TNFSF15: variants seen among roughly 807,000 people sequenced by gnomAD.
TNFSF15 encodes the protein tumor necrosis factor ligand superfamily member 15.
Under a neutral mutation model 26.4 loss-of-function variants are expected in TNFSF15, and 15 were observed. The observed-to-expected ratio is 0.57, with a 90% CI of 0.38 to 0.87. The LOEUF (loss-of-function observed/expected upper bound fraction) is 0.87, where lower values mean the gene tolerates loss of function less well. Ranked by LOEUF, TNFSF15 falls within the 40% of genes least tolerant of loss-of-function variation. TNFSF15 has a pLI of 0.00. For missense variants in TNFSF15, 290 were observed against 306.1 expected (o/e 0.95, Z 0.39); for synonymous variants, 116 against 115.0 (o/e 1.01, Z -0.06).
At chr9:114,793,073 A>G (rs1829627644) in intron 2 of TNFSF15, among the ~76,000 whole-genome samples, 1 of 152,222 alleles carries the variant, frequency 6.6e-6, no homozygotes, top group African/African-American at 2.4e-5. Context: ...GGCATGGTCT[A>G]ATTACAGTTA....
At chr9:114,802,305 T>G (rs1331272264) in intron 1 of TNFSF15, among the ~76,000 whole-genome samples, 7 of 152,174 alleles carry the variant, frequency 4.6e-5, no homozygotes, top group African/African-American at 1.7e-4. Flanking sequence ...CAGGCTGGAG[T>G]GAGCTGGCGT....
At chr9:114,793,973 A>G (rs1471428730) in intron 1 of TNFSF15, among the ~76,000 whole-genome samples, 1 of 152,236 alleles carries the variant, frequency 6.6e-6, no homozygotes, top group Non-Finnish European at 1.5e-5. Flanking sequence ...CAGAAGAGAA[A>G]ATAATGGCTA....
At chr9:114,801,023 G>C (rs1829740960) in intron 1 of TNFSF15, among the ~76,000 whole-genome samples, 1 of 152,228 alleles carries the variant, frequency 6.6e-6, no homozygotes, top group African/African-American at 2.4e-5. Context: ...CAAGGAGAAT[G>C]TGGGGAGAGT....
rs12686846 is a variant in TNFSF15 at position 114,788,393 on chromosome 9, G to A, written c.*2059C>T. The A allele has an allele frequency of 7.8e-5, 12 of 153,872 alleles. No individual in the cohort carries two copies. In the East Asian group the frequency reaches 2.1e-3, roughly 27 times the overall value. The allele number at this position is 153,872 out of a possible 1,614,324, so 9.5% of individuals were successfully genotyped here. On this transcript the variant is annotated 3_prime_UTR_variant, in exon 4 of 4. Coordinates refer to ENST00000374045, the MANE Select transcript of TNFSF15 (RefSeq NM_005118.4). ...TCTGTGCTGACTGTTTTGAGAAAGG[G>A]AAGGCAAGAAAAAGGCCTGGCTTAA...
intron 3 of TNFSF15, 142 bp from the exon 4 acceptor site, chr9:114,791,048 G>A (rs1829590552): frequency 1.4e-6 from 1 of 736,308 alleles, no homozygotes; most frequent in South Asian, 1.8e-5. Context: ...AGGAATGAAT[G>A]AAGAATATGT....
At chr9:114,797,021 G>A (rs1017664602) in intron 1 of TNFSF15, among the ~76,000 whole-genome samples, 1 of 152,210 alleles carries the variant, frequency 6.6e-6, no homozygotes, top group African/African-American at 2.4e-5. Flanking sequence ...AAAACTGAAG[G>A]TGGAGTTCTC....
At chr9:114,797,922 T>G (rs1829691490) in intron 1 of TNFSF15, among the ~76,000 whole-genome samples, 1 of 152,326 alleles carries the variant, frequency 6.6e-6, no homozygotes, top group East Asian at 1.9e-4. Context: ...CCTCAGTCAG[T>G]GCCTGGCACT....
intron 1 of TNFSF15, among the ~76,000 whole-genome samples, chr9:114,793,931 T>G (rs1829643682): frequency 6.6e-6 from 1 of 152,232 alleles, no homozygotes; most frequent in Non-Finnish European, 1.5e-5. Context: ...TCTACCATAA[T>G]TTAAAAATTG....
chr9:114,790,885 T>G lies in TNFSF15; in HGVS notation c.323A>C (p.Gln108Pro), dbSNP rs753019245. The change falls in exon 4 of 4, where the codon CAG becomes CCG. Residue 108 changes from glutamine (Q) to proline (P), a missense_variant. Transcript: ENST00000374045. Reference protein sequence around the residue: ...HLTVVRQTPTQHFKNQFPALH... With the variant: ...HLTVVRQTPTPHFKNQFPALH... ...AGCTGGGAACTGATTTTTAAAGTGC[T>G]GTGTGGGAGTTTGTCTCACAACTGG... 3.1e-6 allele frequency: 5 copies of G among 1,614,160 alleles called. No homozygotes were observed. The highest frequency in any genetic ancestry group is 4.2e-6 in the Non-Finnish European group (5 of 1,180,018).
In TNFSF15 at chr9:114,806,011, ATGCTCCTGC is replaced by A; in HGVS notation, c.-8_1del. 6.2e-7 allele frequency: 1 copy of A among 1,613,520 alleles called. No homozygotes were observed. The highest frequency in any genetic ancestry group is 8.5e-7 in the Non-Finnish European group (1 of 1,179,774). On this transcript the variant is annotated start_lost and start_retained_variant and 5_prime_UTR_variant, in exon 1 of 4. Coordinates refer to ENST00000374045, the MANE Select transcript of TNFSF15 (RefSeq NM_005118.4). ...AAAGCTCAGTCCCAGATCCTCGGCC[ATGCTCCTGC>A]TGCTCCTGGAGGCACCTCTGACTCC... is the stretch of plus-strand genomic sequence containing the variant.
chr9:114,797,456 G>C (rs536398749), intron 1 of TNFSF15, among the ~76,000 whole-genome samples: 2 of 152,370 alleles, frequency 1.3e-5, no homozygotes, highest in African/African-American at 4.8e-5. Context: ...TTCCATTGCT[G>C]CTTCTCTTAA....
At chr9:114,800,118 C>T (rs1829725582) in intron 1 of TNFSF15, among the ~76,000 whole-genome samples, 1 of 151,998 alleles carries the variant, frequency 6.6e-6, no homozygotes, top group African/African-American at 2.4e-5. Flanking sequence ...AGGGCTCATC[C>T]CAGGTGGAGT....
chr9:114,789,907 T>G lies in TNFSF15; in HGVS notation c.*545A>C, dbSNP rs369054423. The G allele has an allele frequency of 6.5e-6, 1 of 152,908 alleles. No individual in the cohort carries two copies. The highest frequency in any genetic ancestry group is 1.9e-4 in the East Asian group (1 of 5,350). 9.5% of individuals were successfully genotyped at this position (152,908 alleles called of 1,614,324 possible). On this transcript the variant is annotated 3_prime_UTR_variant, in exon 4 of 4. Coordinates refer to ENST00000374045, the MANE Select transcript of TNFSF15 (RefSeq NM_005118.4). ...AGATGACATGAAAACCAACTCCTTC[T>G]GTGTGAACATTCATGAGACATACCA...
rs367992614 is a variant in TNFSF15, at chr9:114,793,332, C to T, written c.253+194G>A. ...GTTTGAGTTCAGGCCATCAGCTCCA[C>T]AGGCCATGCACTTTGACATGGTGCC... On this transcript the variant is annotated intron_variant, in intron 2 of 3. Coordinates refer to ENST00000374045, the MANE Select transcript of TNFSF15 (RefSeq NM_005118.4). Among the ~76,000 whole-genome samples the T allele has an allele frequency of 8.5e-5, 13 of 152,312 alleles. No homozygotes were observed. The East Asian group carries it at 1.9e-3, about 23-fold the overall frequency.
chr9:114,797,585 T>C (rs185182687), intron 1 of TNFSF15, among the ~76,000 whole-genome samples: 1 of 152,356 alleles, frequency 6.6e-6, no homozygotes, highest in Admixed American at 6.5e-5. Context: ...GCATTACAGC[T>C]GTCCTAATGC....
intron 1 of TNFSF15, among the ~76,000 whole-genome samples, chr9:114,799,956 G>T (rs1412286035): frequency 6.6e-6 from 1 of 152,176 alleles, no homozygotes. Flanking sequence ...GCTTCCTGAG[G>T]TTATAGCAAG....
chr9:114,793,230 C>T (rs1233917801), intron 2 of TNFSF15, among the ~76,000 whole-genome samples: 1 of 152,166 alleles, frequency 6.6e-6, no homozygotes, highest in Non-Finnish European at 1.5e-5. Flanking sequence ...ACCATTTTTA[C>T]AGGTGAATAA....
intron 1 of TNFSF15, among the ~76,000 whole-genome samples, chr9:114,799,361 T>C (rs1829711179): frequency 6.6e-6 from 1 of 152,342 alleles, no homozygotes; most frequent in Non-Finnish European, 1.5e-5. Flanking sequence ...TTGGGCTCAA[T>C]ATATGATTGT....
chr9:114,792,655 A>G (rs1587898653), intron 2 of TNFSF15: 1 of 1,269,176 alleles, frequency 7.9e-7, no homozygotes, highest in East Asian at 2.6e-5. Context: ...GACTCAGAAG[A>G]AAGAGTCTTG....
Sources: gnomAD v4.1 joint callset for allele counts (sites outside exome capture counted in the v4.1 genomes callset) on GRCh38, gnomAD v4.1.1 for gene constraint, MANE v1.5 for transcripts, NCBI Gene and HGNC (gene_info 2026-07-23, HGNC 2026-07-21) for gene names.